The following EPB41L4B variants were observed in gnomAD, a reference collection of about 807,000 sequenced individuals.
The protein encoded by EPB41L4B is erythrocyte membrane protein band 4.1 like 4B, also known as band 4.1-like protein 4B.
Under a neutral mutation model 112.5 loss-of-function variants are expected in EPB41L4B, and 30 were observed. That is an observed-to-expected ratio of 0.27 (90% CI 0.20 to 0.36). The LOEUF (loss-of-function observed/expected upper bound fraction) is 0.36, where lower values mean the gene tolerates loss of function less well. Among genes scored for constraint, EPB41L4B ranks in the 10% least tolerant of loss-of-function variants. The pLI is 1.00. For missense variants in EPB41L4B, 1,024 were observed against 1,133.3 expected, an observed-to-expected ratio of 0.90 and a Z score of 1.38; for synonymous variants, 408 against 439.7, an observed-to-expected ratio of 0.93 and a Z score of 0.90.
chr9:109,308,764 T>A (rs1279263268), intron 1 of EPB41L4B, among the ~76,000 whole-genome samples: 1 of 152,162 alleles, frequency 6.6e-6, no homozygotes, highest in African/African-American at 2.4e-5. Context: ...TAGAGATACC[T>A]ACTGAAATAC....
chr9:109,320,146 G>C lies in EPB41L4B; in HGVS notation c.301C>G (p.Leu101Val). 6.8e-6 allele frequency: 10 copies of C among 1,467,100 alleles called. No individual in the cohort carries two copies. The highest frequency in any genetic ancestry group is 8.1e-6 in the Non-Finnish European group (9 of 1,107,000). The allele number at this position is 1,467,100 out of a possible 1,614,324, so 90.9% of individuals were successfully genotyped here. The change falls in exon 1 of 26, where the codon CTG becomes GTG. Residue 101 changes from leucine (L) to valine (V), a missense_variant. Coordinates refer to ENST00000374566, the MANE Select transcript of EPB41L4B (RefSeq NM_019114.5). Reference sequence around the variant, plus strand: ...AGACTGGCCCCGTCACTCACCGGCAGGTCCACGCTCACTTCGGTCCCGTCG... The same window carrying C: ...AGACTGGCCCCGTCACTCACCGGCACGTCCACGCTCACTTCGGTCCCGTCG... ...LLDGTEVSVD[L>V]PKHAKGQDLF...
chr9:109,241,243 C>T (rs1220871719), intron 15 of EPB41L4B: 1 of 988,190 alleles, frequency 1.0e-6, no homozygotes, highest in Non-Finnish European at 1.2e-6. Flanking sequence ...GGGGAAATGA[C>T]TCGTCCAGGC....
intron 15 of EPB41L4B, among the ~76,000 whole-genome samples, chr9:109,218,716 C>T (rs1328815343): frequency 6.6e-6 from 1 of 152,176 alleles, no homozygotes; most frequent in African/African-American, 2.4e-5. Context: ...ATCCCGATGC[C>T]TCTTACTTCT....
intron 1 of EPB41L4B, among the ~76,000 whole-genome samples, chr9:109,305,895 G>T (rs1317350628): frequency 6.6e-6 from 1 of 152,106 alleles, no homozygotes; most frequent in Non-Finnish European, 1.5e-5. Flanking sequence ...CTGCAGTCCA[G>T]CCTGGGTGGC....
At position 109,320,131 on chromosome 9, in the gene EPB41L4B, C is replaced by A. The variant is rs1238841173; in HGVS notation, c.306+10G>T. On this transcript the variant is annotated intron_variant, in intron 1 of 25. Coordinates refer to ENST00000374566, the MANE Select transcript of EPB41L4B (RefSeq NM_019114.5). Reference sequence around the variant, plus strand: ...AGGTGCCAGTGCCCCAGACTGGCCCCGTCACTCACCGGCAGGTCCACGCTC... The same window carrying A: ...AGGTGCCAGTGCCCCAGACTGGCCCAGTCACTCACCGGCAGGTCCACGCTC... The A allele has an allele frequency of 1.4e-6, 2 of 1,448,382 alleles. No individual in the cohort carries two copies. The highest frequency in any genetic ancestry group is 1.8e-6 in the Non-Finnish European group (2 of 1,096,412). The allele number at this position is 1,448,382 out of a possible 1,614,324, so 89.7% of individuals were successfully genotyped here.
chr9:109,278,977 C>T (rs913195315), intron 2 of EPB41L4B, among the ~76,000 whole-genome samples: 1 of 152,110 alleles, frequency 6.6e-6, no homozygotes, highest in Non-Finnish European at 1.5e-5. Flanking sequence ...AAGTAAAGTG[C>T]TGACCTAACA....
In EPB41L4B at chr9:109,205,346, CA is replaced by C. The variant is rs142295908; in HGVS notation, c.1879-1617del. On this transcript the variant is annotated intron_variant, in intron 18 of 25. Transcript: ENST00000374566. The stretch of plus-strand genomic sequence containing the variant: ...TTTGTCATCTCTTCCCTATACTTTA[CA>C]AAATAGAATATTTTCAAGATACTGC... Among the ~76,000 whole-genome samples the C allele has an allele frequency of 8.3e-3, 1,257 of 152,274 alleles. 22 individuals carry two copies. Among genetic ancestry groups the C allele is most frequent in the African/African-American group, 0.029 (1,198 of 41,544 alleles).
chr9:109,288,343 G>A (rs1012705094), intron 1 of EPB41L4B, among the ~76,000 whole-genome samples: 2 of 152,134 alleles, frequency 1.3e-5, no homozygotes, highest in African/African-American at 2.4e-5. Flanking sequence ...AATAGTTTGG[G>A]AGGCCAAGGC....
At chr9:109,308,903 C>A (rs1301534619) in intron 1 of EPB41L4B, among the ~76,000 whole-genome samples, 2 of 152,048 alleles carry the variant, frequency 1.3e-5, no homozygotes, top group Non-Finnish European at 2.9e-5. Flanking sequence ...CATGGTGAAA[C>A]CCTGTCTCTA....
intron 20 of EPB41L4B, among the ~76,000 whole-genome samples, chr9:109,195,995 G>A (rs1832627519): frequency 6.6e-6 from 1 of 152,012 alleles, no homozygotes; most frequent in African/African-American, 2.4e-5. Flanking sequence ...CATACAGAAT[G>A]ATTTTTTGCT....
intron 13 of EPB41L4B, 80 bp downstream of exon 13, chr9:109,251,401 T>G: frequency 7.4e-7 from 1 of 1,358,400 alleles, no homozygotes; most frequent in Non-Finnish European, 1.1e-6. Context: ...GATTTCACTG[T>G]AGTAAGGAAA....
chr9:109,180,068 C>A (rs1831998052), intron 24 of EPB41L4B, among the ~76,000 whole-genome samples: 1 of 152,184 alleles, frequency 6.6e-6, no homozygotes, highest in Admixed American at 6.5e-5. Context: ...CCAGTTTTAT[C>A]ACCACCTACA....
chr9:109,200,020 G>A (rs1832768123), intron 20 of EPB41L4B, among the ~76,000 whole-genome samples: 1 of 152,146 alleles, frequency 6.6e-6, no homozygotes, highest in African/African-American at 2.4e-5. Flanking sequence ...CTAAGTTTGG[G>A]AGTAATTTAT....
rs917302380 is a variant in EPB41L4B, at chr9:109,266,825, A to C, written c.533+648T>G. The stretch of plus-strand genomic sequence containing the variant: ...TCCAGTCAAATATATAACAATTAGC[A>C]GAGTGTGATGGTGTGCGCCTGTAAT... On this transcript the variant is annotated intron_variant, in intron 4 of 25. Transcript: ENST00000374566. Among the ~76,000 whole-genome samples, 11 of 152,138 alleles carry C rather than the reference A, an allele frequency of 7.2e-5. No homozygotes were observed. In the East Asian group the frequency reaches 1.7e-3, roughly 24 times the overall value.
At chr9:109,266,502 AAAC>A (rs2119075011) in intron 4 of EPB41L4B, among the ~76,000 whole-genome samples, 1 of 152,316 alleles carries the variant, frequency 6.6e-6, no homozygotes, top group South Asian at 2.1e-4. Context: ...TCCATCACAC[AAAC>A]AACGACAAGG....
intron 1 of EPB41L4B, among the ~76,000 whole-genome samples, chr9:109,288,888 G>C (rs1429247359): frequency 6.7e-6 from 1 of 149,450 alleles, no homozygotes; most frequent in Non-Finnish European, 1.5e-5. Flanking sequence ...AACACAGCAA[G>C]ACCTTGTCAA....
At position 109,174,504 on chromosome 9, in the gene EPB41L4B, A is replaced by C. The variant is rs766410482; in HGVS notation, c.*50T>G. ...GTGAGCACACAAAGCCCGAAGAAAG[A>C]AGACGGACAGAAGGCACCATGCCAT... On this transcript the variant is annotated 3_prime_UTR_variant, in exon 26 of 26. Transcript: ENST00000374566. The C allele has an allele frequency of 7.8e-6, 12 of 1,529,456 alleles. No individual in the cohort carries two copies. The highest frequency in any genetic ancestry group is 9.1e-7 in the Non-Finnish European group (1 of 1,102,836). The allele number at this position is 1,529,456 out of a possible 1,614,324, so 94.7% of individuals were successfully genotyped here. A position where few individuals can be genotyped will look rare whatever the true frequency, so the allele number is the denominator to read the frequency against.
At chr9:109,243,776 C>T (rs73529311) in intron 14 of EPB41L4B, 94 bp from the exon 15 acceptor site, 31 of 1,246,018 alleles carry the variant, frequency 2.5e-5, no homozygotes, top group Non-Finnish European at 3.6e-5. Context: ...ACCCGAGGGG[C>T]TGGGGGACTA....
intron 7 of EPB41L4B, 82 bp from the exon 8 acceptor site, chr9:109,256,562 C>T (rs529814218): frequency 1.3e-4 from 157 of 1,170,514 alleles, no homozygotes; most frequent in Non-Finnish European, 1.8e-4. Context: ...TACTATGGAA[C>T]GTTATGCAGC....
Sources: gnomAD v4.1 joint callset for allele counts (sites outside exome capture counted in the v4.1 genomes callset) on GRCh38, gnomAD v4.1.1 for gene constraint, MANE v1.5 for transcripts, NCBI Gene and HGNC (gene_info 2026-07-23, HGNC 2026-07-21) for gene names.